The following ERC2 variants were observed in gnomAD, a reference collection of about 807,000 sequenced individuals.
ERC2 encodes ERC protein 2.
Under a neutral mutation model 114.8 loss-of-function variants are expected in ERC2, and 42 were observed. That is an observed-to-expected ratio of 0.37 (90% CI 0.29 to 0.47). ERC2 has a LOEUF of 0.47. Ranked by LOEUF, ERC2 falls within the 20% of genes least tolerant of loss-of-function variation. The probability of loss-of-function intolerance (pLI) is 0.99; values close to 1 mark genes in which losing one functional copy is unlikely to be tolerated. For synonymous variants in ERC2, 454 were observed against 425.5 expected, an observed-to-expected ratio of 1.07 and a Z score of -0.82; for missense variants, 939 against 1,150.7, an observed-to-expected ratio of 0.82 and a Z score of 2.66.
intron 2 of ERC2, among the ~76,000 whole-genome samples, chr3:56,425,680 T>C (rs1443523519): frequency 6.6e-6 from 1 of 151,978 alleles, no homozygotes; most frequent in East Asian, 1.9e-4. Context: ...TAAGGTCCTT[T>C]AAGATTTCAT....
chr3:56,098,591 C>T (rs1439650754), intron 6 of ERC2, among the ~76,000 whole-genome samples: 3 of 152,200 alleles, frequency 2.0e-5, no homozygotes, highest in African/African-American at 7.2e-5. Flanking sequence ...TTCAATGAGA[C>T]TGACTGTTCA....
At position 55,509,051 on chromosome 3, in the gene ERC2, G is replaced by C. The variant is rs978840155; in HGVS notation, c.*2265C>G. The C allele has an allele frequency of 1.3e-5, 2 of 152,566 alleles. No individual in the cohort carries two copies. Among genetic ancestry groups the C allele is most frequent in the Admixed American group, 1.3e-4 (2 of 15,278 alleles). The allele number at this position is 152,566 out of a possible 1,614,324, so 9.5% of individuals were successfully genotyped here. On this transcript the variant is annotated 3_prime_UTR_variant, in exon 18 of 18. Coordinates refer to ENST00000288221, the MANE Select transcript of ERC2 (RefSeq NM_015576.3). ...CCCCAAACATCAGAGAATATTACACGAAATGGGAAAGGTTGTTATGTTAGA... is the reference window on the plus strand; with the variant it reads ...CCCCAAACATCAGAGAATATTACACCAAATGGGAAAGGTTGTTATGTTAGA...
chr3:56,395,550 C>A (rs991882111), intron 2 of ERC2, among the ~76,000 whole-genome samples: 2 of 152,042 alleles, frequency 1.3e-5, no homozygotes, highest in African/African-American at 4.8e-5. Context: ...TGAGTTCTTG[C>A]AAGATCTGGT....
chr3:56,404,346 T>C (rs1326296085), intron 2 of ERC2, among the ~76,000 whole-genome samples: 2 of 152,228 alleles, frequency 1.3e-5, no homozygotes, highest in Non-Finnish European at 2.9e-5. Context: ...CTATTCGTAT[T>C]GCCCTCATCA....
At chr3:55,535,408 G>C (rs1373696475) in intron 17 of ERC2, among the ~76,000 whole-genome samples, 1 of 152,180 alleles carries the variant, frequency 6.6e-6, no homozygotes, top group Non-Finnish European at 1.5e-5. Flanking sequence ...TTTTTAGAGA[G>C]AAAGGCTGTG....
At chr3:55,584,764 G>T (rs1385435761) in intron 17 of ERC2, among the ~76,000 whole-genome samples, 2 of 152,190 alleles carry the variant, frequency 1.3e-5, no homozygotes, top group Non-Finnish European at 2.9e-5. Flanking sequence ...ATAAGACAGA[G>T]AGTGGCACCT....
chr3:56,409,536 C>CCTCTG (rs2060860774), intron 2 of ERC2, among the ~76,000 whole-genome samples: 5 of 135,056 alleles, frequency 3.7e-5, no homozygotes, highest in African/African-American at 1.1e-4. Flanking sequence ...AAAAAAAAAA[C>CCTCTG]CTCTGCTCAC....
chr3:55,664,651 C>A (rs2061283479), intron 17 of ERC2, among the ~76,000 whole-genome samples: 1 of 152,118 alleles, frequency 6.6e-6, no homozygotes, highest in East Asian at 1.9e-4. Flanking sequence ...AGGCTGAGAG[C>A]CAAGGATCCA....
chr3:56,300,125 G>A (rs560604902), intron 2 of ERC2, among the ~76,000 whole-genome samples: 11 of 152,132 alleles, frequency 7.2e-5, no homozygotes, highest in Non-Finnish European at 1.5e-4. Flanking sequence ...AGGTTTGACA[G>A]CAACGGGAGG....
At chr3:56,311,278 TATATATATATATAC>T (rs1560571390) in intron 2 of ERC2, among the ~76,000 whole-genome samples, 1 of 136,586 alleles carries the variant, frequency 7.3e-6, no homozygotes, top group Non-Finnish European at 1.5e-5. Context: ...TATATATATA[TATATATATATATAC>T]ACACATATAT....
chr3:55,770,435 T>C (rs770586128), intron 14 of ERC2, among the ~76,000 whole-genome samples: 1 of 152,142 alleles, frequency 6.6e-6, no homozygotes, highest in Non-Finnish European at 1.5e-5. Flanking sequence ...ATTGGAAGAA[T>C]TGGTAACATC....
chr3:56,138,251 T>A (rs1231393985), intron 6 of ERC2, among the ~76,000 whole-genome samples: 1 of 151,970 alleles, frequency 6.6e-6, no homozygotes, highest in Non-Finnish European at 1.5e-5. Flanking sequence ...TAGTAGAGAC[T>A]GGGTTTCACC....
At position 55,912,169 on chromosome 3, in the gene ERC2, G is replaced by A. The variant is rs187032297; in HGVS notation, c.2404-23620C>T. On this transcript the variant is annotated intron_variant, in intron 13 of 17. Transcript: ENST00000288221. ...ACTAGACCAGAACCAGCATAGTATG[G>A]GGTGTGGAGAGAGAGGTGGTGGTAC... is the stretch of plus-strand genomic sequence containing the variant. 6.1e-3 allele frequency among the ~76,000 whole-genome samples: 933 copies of A among 152,258 alleles called. 8 individuals are homozygous for A. Among genetic ancestry groups the A allele is most frequent in the African/African-American group, 0.022 (894 of 41,546 alleles).
chr3:55,899,011 G>C (rs1324237520), intron 13 of ERC2, among the ~76,000 whole-genome samples: 1 of 152,080 alleles, frequency 6.6e-6, no homozygotes. Context: ...CAATGTGTCT[G>C]GTGCAAACCA....
chr3:56,120,179 T>C (rs2079493917), intron 6 of ERC2, among the ~76,000 whole-genome samples: 1 of 152,176 alleles, frequency 6.6e-6, no homozygotes, highest in South Asian at 2.1e-4. Flanking sequence ...GATTTCCTGC[T>C]TCTCTTAGAG....
At chr3:56,202,119 A>G (rs2048442604) in intron 3 of ERC2, among the ~76,000 whole-genome samples, 1 of 152,198 alleles carries the variant, frequency 6.6e-6, no homozygotes, top group Non-Finnish European at 1.5e-5. Context: ...AGCTTGCTGC[A>G]ACATCCAAAG....
chr3:55,824,526 T>C (rs1317389956), intron 14 of ERC2, among the ~76,000 whole-genome samples: 5 of 152,254 alleles, frequency 3.3e-5, no homozygotes, highest in African/African-American at 9.6e-5. Flanking sequence ...CCAACTAATA[T>C]ACAGGGCAAA....
intron 7 of ERC2, among the ~76,000 whole-genome samples, chr3:56,048,076 TA>T: frequency 6.6e-6 from 1 of 152,342 alleles, no homozygotes; most frequent in Admixed American, 6.5e-5. Context: ...AACAATTTTT[TA>T]AAAAGATTTA....
intron 17 of ERC2, among the ~76,000 whole-genome samples, chr3:55,655,664 G>A (rs1356243827): frequency 1.3e-5 from 2 of 152,250 alleles, no homozygotes; most frequent in South Asian, 4.1e-4. Context: ...GGTCAGCCAG[G>A]CCACCTATAA....
Sources: allele counts gnomAD v4.1 joint callset (sites outside exome capture counted in the v4.1 genomes callset), GRCh38; gene constraint gnomAD v4.1.1; transcripts MANE v1.5; gene names NCBI Gene and HGNC (gene_info 2026-07-23, HGNC 2026-07-21).